Variants in ELP3 observed in about 807,000 individuals in gnomAD.
The protein encoded by ELP3 is elongator acetyltransferase complex subunit 3.
ELP3 carries 56 observed loss-of-function variants against 74.9 expected under a neutral mutation model. The observed-to-expected ratio is 0.75, with a 90% CI of 0.60 to 0.93. The LOEUF (loss-of-function observed/expected upper bound fraction) is 0.93. ELP3 is among the 40% of genes least tolerant of loss of function. The pLI, the probability that ELP3 is intolerant of heterozygous loss-of-function variation, is 0.00. For missense variants in ELP3, 573 were observed against 686.5 expected, an observed-to-expected ratio of 0.83 and a Z score of 1.85; for synonymous variants, 222 against 239.8, an observed-to-expected ratio of 0.93 and a Z score of 0.68.
At chr8:28,101,929 A>G (rs1417502473) in intron 3 of ELP3, among the ~76,000 whole-genome samples, 1 of 152,158 alleles carries the variant, frequency 6.6e-6, no homozygotes, top group Non-Finnish European at 1.5e-5. Flanking sequence ...GCTTGCCATT[A>G]AAGAAGACAG....
upstream of ELP3, among the ~76,000 whole-genome samples, chr8:28,092,504 C>T (rs1811080532): frequency 6.6e-6 from 1 of 152,158 alleles, no homozygotes; most frequent in African/African-American, 2.4e-5. Flanking sequence ...GGGCATAGTG[C>T]TAGTATTACA....
At chr8:28,189,567 G>C in intron 14 of ELP3, 82 bp from the exon 15 acceptor site, 2 of 1,349,090 alleles carry the variant, frequency 1.5e-6, no homozygotes, top group Non-Finnish European at 2.1e-6. Flanking sequence ...GTGGGAGAGA[G>C]TGTAAGGCTG....
chr8:28,093,392 C>T, intron 1 of ELP3, 159 bp downstream of exon 1: 1 of 987,228 alleles, frequency 1.0e-6, no homozygotes, highest in Non-Finnish European at 1.5e-6. Flanking sequence ...CCCGAGCCTT[C>T]TCGTTTTTCC....
At chr8:28,161,635 G>A (rs1180914370) in intron 13 of ELP3, among the ~76,000 whole-genome samples, 30 of 149,908 alleles carry the variant, frequency 2.0e-4, no homozygotes, top group Admixed American at 2.0e-3. Context: ...AAAAAGTAGA[G>A]AGGTGACTAA....
upstream of ELP3, among the ~76,000 whole-genome samples, chr8:28,092,195 G>T (rs28533132): frequency 2.6e-5 from 4 of 152,074 alleles, no homozygotes; most frequent in Admixed American, 6.5e-5. Flanking sequence ...AAGGAAGGCA[G>T]TTTTTGCGTG....
chr8:28,180,726 A>T (rs545754909), intron 14 of ELP3, among the ~76,000 whole-genome samples: 4 of 152,222 alleles, frequency 2.6e-5, no homozygotes, highest in Non-Finnish European at 5.9e-5. Flanking sequence ...TCAGAGTCGT[A>T]GTTGTCTAGG....
rs555488094 is a variant in ELP3 at position 28,170,611 on chromosome 8, A to G, written c.1567+8533A>G. ...AACATAGAAGCCTGGTTTTGGGCTG[A>G]GGATACATGGTTTCCCTCTGGAGCT... On this transcript the variant is annotated intron_variant, in intron 14 of 14. Coordinates refer to ENST00000256398, the MANE Select transcript of ELP3 (RefSeq NM_018091.6). 1.3e-3 allele frequency among the ~76,000 whole-genome samples: 192 copies of G among 152,280 alleles called. 2 individuals are homozygous for G. Among genetic ancestry groups the G allele is most frequent in the African/African-American group, 4.4e-3 (181 of 41,564 alleles).
At chr8:28,172,288 A>G (rs1414373545) in intron 14 of ELP3, among the ~76,000 whole-genome samples, 2 of 152,034 alleles carry the variant, frequency 1.3e-5, no homozygotes, top group African/African-American at 4.8e-5. Context: ...TGAACACAGG[A>G]TATCCTTCCA....
At chr8:28,140,113 T>C (rs1813172576) in intron 10 of ELP3, among the ~76,000 whole-genome samples, 1 of 117,306 alleles carries the variant, frequency 8.5e-6, no homozygotes, top group African/African-American at 3.4e-5. Context: ...CTGTACATAT[T>C]TTGTGTGTGT....
intron 14 of ELP3, among the ~76,000 whole-genome samples, chr8:28,163,228 C>T (rs1015403192): frequency 1.3e-5 from 2 of 152,174 alleles, no homozygotes; most frequent in Non-Finnish European, 2.9e-5. Flanking sequence ...CCATAAGAAG[C>T]TAACAGGGTG....
At chr8:28,114,993 G>T (rs906562346) in intron 7 of ELP3, among the ~76,000 whole-genome samples, 2 of 152,150 alleles carry the variant, frequency 1.3e-5, no homozygotes, top group Non-Finnish European at 2.9e-5. Context: ...TGATGGAGAG[G>T]AGATTGAGAT....
At chr8:28,173,156 A>G (rs576968785) in intron 14 of ELP3, among the ~76,000 whole-genome samples, 1 of 151,988 alleles carries the variant, frequency 6.6e-6, no homozygotes, top group Non-Finnish European at 1.5e-5. Context: ...AATGAATTAT[A>G]AAGTGTCCAT....
At position 28,158,642 on chromosome 8, in the gene ELP3, C is replaced by G. The variant is rs370805640; in HGVS notation, c.1257+9C>G. 1.4e-5 allele frequency: 23 copies of G among 1,608,898 alleles called. No individual in the cohort carries two copies. The highest frequency in any genetic ancestry group is 2.0e-5 in the Non-Finnish European group (23 of 1,176,422). ...AAGTACGGCCATACCAGGTTAGTCTCTTCATGTCATAGAGGGCCTAGGTAC... is the reference window on the plus strand; with the variant it reads ...AAGTACGGCCATACCAGGTTAGTCTGTTCATGTCATAGAGGGCCTAGGTAC... On this transcript the variant is annotated intron_variant, in intron 12 of 14. Coordinates refer to ENST00000256398, the MANE Select transcript of ELP3 (RefSeq NM_018091.6).
At position 28,110,368 on chromosome 8, in the gene ELP3, A is replaced by G. The variant is rs765842130; in HGVS notation, c.394-2A>G. ...GGGCATAACAATATTTTTCTCTTCTAGCCAACCTCCATGAGAGCTATCCGT... is the reference window on the plus strand; with the variant it reads ...GGGCATAACAATATTTTTCTCTTCTGGCCAACCTCCATGAGAGCTATCCGT... On this transcript the variant is annotated splice_acceptor_variant, in intron 5 of 14. Transcript: ENST00000256398. LOFTEE classifies it high-confidence loss of function. 2 of 1,613,024 alleles carry G rather than the reference A, an allele frequency of 1.2e-6. No individual in the cohort carries two copies. Among genetic ancestry groups the G allele is most frequent in the Non-Finnish European group, 1.7e-6 (2 of 1,179,516 alleles).
At chr8:28,160,192 T>G in intron 12 of ELP3, 37 bp from the exon 13 acceptor site, 1 of 1,578,494 alleles carries the variant, frequency 6.3e-7, no homozygotes, top group Non-Finnish European at 8.6e-7. Context: ...GGTTCTTTAA[T>G]TTTGAATAAT....
intron 10 of ELP3, among the ~76,000 whole-genome samples, chr8:28,149,245 G>A (rs772593117): frequency 6.6e-6 from 1 of 152,188 alleles, no homozygotes; most frequent in Admixed American, 6.5e-5. Context: ...AAGGATGCTG[G>A]CCTCACAGAA....
rs765855638 is a variant in ELP3, at chr8:28,166,702, G to A, written c.1567+4624G>A. 4.6e-5 allele frequency among the ~76,000 whole-genome samples: 7 copies of A among 152,314 alleles called. No homozygotes were observed. In the East Asian group the frequency reaches 5.8e-4, roughly 13 times the overall value. ...TGAAATGCCATCACTAATAATCACC[G>A]TGGAAACGGAGATCTCTGATGTCAC... is the stretch of plus-strand genomic sequence containing the variant. On this transcript the variant is annotated intron_variant, in intron 14 of 14. Transcript: ENST00000256398.
chr8:28,173,611 C>G (rs1374260549), intron 14 of ELP3, among the ~76,000 whole-genome samples: 1 of 150,438 alleles, frequency 6.6e-6, no homozygotes, highest in Admixed American at 6.6e-5. Context: ...CTTCTGCTAG[C>G]TTTGGGTTTT....
chr8:28,173,557 T>G (rs909042845), intron 14 of ELP3, among the ~76,000 whole-genome samples: 2 of 151,848 alleles, frequency 1.3e-5, no homozygotes, highest in African/African-American at 4.8e-5. Context: ...ATTTTGATTT[T>G]TTTTTTTAAT....
Sources: allele counts gnomAD v4.1 joint callset (sites outside exome capture counted in the v4.1 genomes callset), GRCh38; gene constraint gnomAD v4.1.1; transcripts MANE v1.5; gene names NCBI Gene and HGNC (gene_info 2026-07-23, HGNC 2026-07-21).